The following OTUD7B variants were observed in gnomAD, a reference collection of about 807,000 sequenced individuals.
OTUD7B encodes OTU deubiquitinase 7B.
OTUD7B carries 34 observed loss-of-function variants against 82.2 expected under a neutral mutation model. That is an observed-to-expected ratio of 0.41 (90% confidence interval 0.31 to 0.55). The LOEUF (loss-of-function observed/expected upper bound fraction) is 0.55, where lower values mean the gene tolerates loss of function less well. OTUD7B is among the 20% of genes least tolerant of loss of function. The probability of loss-of-function intolerance (pLI) is 0.20; values close to 1 mark genes in which losing one functional copy is unlikely to be tolerated. For synonymous variants in OTUD7B, 398 were observed against 402.7 expected (o/e 0.99, Z 0.14); for missense variants, 944 against 1,062.1 (o/e 0.89, Z 1.55).
the OTUD7B span, chr1:150,048,606 G>C: frequency 1.3e-5 from 2 of 151,994 alleles, no homozygotes; most frequent in African/African-American, 4.8e-5. Flanking sequence ...TTGAGCCCAA[G>C]AGTTCAAGGC....
At chr1:149,961,877 G>A (rs1649185794) in intron 6 of OTUD7B, 1 of 152,110 alleles carries the variant, frequency 6.6e-6, no homozygotes, top group Non-Finnish European at 1.5e-5. Context: ...AAATACATTG[G>A]CTTTAGGATG....
chr1:149,993,883 A>G (rs372196078), intron 1 of OTUD7B, among the ~76,000 whole-genome samples: 11 of 152,344 alleles, frequency 7.2e-5, no homozygotes, highest in African/African-American at 2.6e-4. Context: ...AGGGTCAAAC[A>G]TGTAAATCCT....
rs1650420544 is a variant in OTUD7B at position 149,977,672 on chromosome 1, C to A, written c.-66-96G>T. On this transcript the variant is annotated intron_variant, in intron 1 of 11. Transcript: ENST00000581312. ...CTTCCTAACCAAATGGGGAAACTAT[C>A]CTAGCTCATTCATTTCAGTTGAATT... The A allele has an allele frequency of 1.0e-5, 6 of 571,986 alleles. No individual in the cohort carries two copies. In the East Asian group the frequency reaches 1.7e-4, roughly 16 times the overall value. The allele number at this position is 571,986 out of a possible 1,614,324, so 35.4% of individuals were successfully genotyped here. A position where few individuals can be genotyped will look rare whatever the true frequency, so the allele number is the denominator to read the frequency against.
the OTUD7B span, among the ~76,000 whole-genome samples, chr1:150,064,556 A>G: frequency 6.6e-6 from 1 of 152,082 alleles, no homozygotes; most frequent in Non-Finnish European, 1.5e-5. Context: ...TTGTGTAGAG[A>G]CAAGGTTTAG....
chr1:149,938,875 T>C lies in OTUD7B; in HGVS notation c.*4982A>G, dbSNP rs72692823. 0.16 allele frequency: 21,109 copies of C among 133,744 alleles called. 1,995 individuals are homozygous for C. The highest frequency in any genetic ancestry group is 0.35 in the East Asian group (1,668 of 4,762). 8.3% of individuals were successfully genotyped at this position (133,744 alleles called of 1,614,324 possible). ...TGAACCCAGGAGACGAAGGTTGCAGTGAGCCGGGATCGCGCCATTGCACTC... is the reference window on the plus strand; with the variant it reads ...TGAACCCAGGAGACGAAGGTTGCAGCGAGCCGGGATCGCGCCATTGCACTC... On this transcript the variant is annotated 3_prime_UTR_variant, in exon 12 of 12. Transcript: ENST00000581312.
chr1:149,979,409 T>C (rs1445358437), intron 1 of OTUD7B, among the ~76,000 whole-genome samples: 1 of 152,188 alleles, frequency 6.6e-6, no homozygotes, highest in African/African-American at 2.4e-5. Flanking sequence ...CTAGGTGACT[T>C]TGGTCAAATT....
the OTUD7B span, chr1:150,055,041 C>CTT: frequency 0.76 from 108,298 of 141,982 alleles, 41,991 homozygotes; most frequent in African/African-American, 0.87. Context: ...TCTAAATTTC[C>CTT]TTTTTTTTTT....
chr1:150,043,580 A>T, the OTUD7B span, among the ~76,000 whole-genome samples: 2 of 152,122 alleles, frequency 1.3e-5, no homozygotes, highest in East Asian at 3.9e-4. Context: ...CTATTTGGAC[A>T]TAGTCAAGCA....
At chr1:150,001,830 C>A (rs1436287080) in intron 1 of OTUD7B, among the ~76,000 whole-genome samples, 2 of 152,192 alleles carry the variant, frequency 1.3e-5, no homozygotes, top group Non-Finnish European at 2.9e-5. Flanking sequence ...ACAACTCAGA[C>A]AAGTTTTGAG....
At chr1:149,993,651 G>GT (rs1370905557) in intron 1 of OTUD7B, among the ~76,000 whole-genome samples, 1 of 152,068 alleles carries the variant, frequency 6.6e-6, no homozygotes, top group Non-Finnish European at 1.5e-5. Context: ...GACTGTAAAG[G>GT]TTTTTTTATG....
the OTUD7B span, chr1:150,054,865 T>C: frequency 5.6e-6 from 1 of 179,540 alleles, no homozygotes; most frequent in South Asian, 9.3e-5. Context: ...GAACGTGACA[T>C]GTTCCATATA....
At chr1:150,037,031 A>C in the OTUD7B span, among the ~76,000 whole-genome samples, 1 of 152,200 alleles carries the variant, frequency 6.6e-6, no homozygotes, top group Non-Finnish European at 1.5e-5. Context: ...CAAAAACTAC[A>C]ACTGTTAATT....
At chr1:150,047,887 G>A in the OTUD7B span, 2 of 152,112 alleles carry the variant, frequency 1.3e-5, no homozygotes, top group South Asian at 2.1e-4. Context: ...GGGAGGCAGA[G>A]GTTGTAGTAA....
At chr1:150,052,378 C>CA in the OTUD7B span, among the ~76,000 whole-genome samples, 1 of 152,162 alleles carries the variant, frequency 6.6e-6, no homozygotes, top group South Asian at 2.1e-4. Flanking sequence ...CAACAACAGT[C>CA]AAGCTGAGAG....
chr1:149,967,976 C>A (rs1270082753), intron 3 of OTUD7B, among the ~76,000 whole-genome samples: 1 of 152,024 alleles, frequency 6.6e-6, no homozygotes, highest in African/African-American at 2.4e-5. Flanking sequence ...TATTTTCATT[C>A]TAGAAAGATT....
chr1:150,026,169 T>C, the OTUD7B span, among the ~76,000 whole-genome samples: 1 of 152,190 alleles, frequency 6.6e-6, no homozygotes, highest in African/African-American at 2.4e-5. Flanking sequence ...GGAAGGTGCA[T>C]ACAATATTTT....
intron 7 of OTUD7B, among the ~76,000 whole-genome samples, chr1:149,957,837 G>A (rs782683688): frequency 1.3e-5 from 2 of 152,238 alleles, no homozygotes; most frequent in Non-Finnish European, 2.9e-5. Context: ...CTCCGAGCCA[G>A]GCACGGGATA....
At chr1:149,958,322 C>CTTTTTTTTTTTTTTTTT (rs34299927) in intron 7 of OTUD7B, among the ~76,000 whole-genome samples, 1 of 86,394 alleles carries the variant, frequency 1.2e-5, no homozygotes, top group Non-Finnish European at 2.1e-5. Flanking sequence ...AAAGGACTAC[C>CTTTTTTTTTTTTTTTTT]TTTTTTTTTT....
In OTUD7B at chr1:149,940,885, C is replaced by T. The variant is rs1571570131; in HGVS notation, c.*2972G>A. The T allele has an allele frequency of 6.6e-6, 1 of 151,986 alleles. No individual in the cohort carries two copies. Among genetic ancestry groups the T allele is most frequent in the Non-Finnish European group, 1.5e-5 (1 of 68,004 alleles). 9.4% of individuals were successfully genotyped at this position (151,986 alleles called of 1,614,324 possible). ...TTCACCTCCCCCCATCCCACCAAGACCCTCCCCGAAAGAATGAAGCAAAAC... is the reference window on the plus strand; with the variant it reads ...TTCACCTCCCCCCATCCCACCAAGATCCTCCCCGAAAGAATGAAGCAAAAC... On this transcript the variant is annotated 3_prime_UTR_variant, in exon 12 of 12. Transcript: ENST00000581312.
Sources: allele counts gnomAD v4.1 joint callset (sites outside exome capture counted in the v4.1 genomes callset), GRCh38; gene constraint gnomAD v4.1.1; transcripts MANE v1.5; gene names NCBI Gene and HGNC (gene_info 2026-07-23, HGNC 2026-07-21).